The following FOXN3 variants were observed in gnomAD, a reference collection of about 807,000 sequenced individuals.
The protein encoded by FOXN3 is forkhead box N3.
Under a neutral mutation model 38.4 loss-of-function variants are expected in FOXN3, and 7 were observed. That is an observed-to-expected ratio of 0.18 (90% CI 0.10 to 0.34). The LOEUF (loss-of-function observed/expected upper bound fraction) is 0.34. Ranked by LOEUF, FOXN3 falls within the 10% of genes least tolerant of loss-of-function variation. The probability of loss-of-function intolerance (pLI) is 1.00; values close to 1 mark genes in which losing one functional copy is unlikely to be tolerated. For missense variants in FOXN3, 456 were observed against 613.4 expected (o/e 0.74, Z 2.71); for synonymous variants, 230 against 242.2 (o/e 0.95, Z 0.47).
At chr14:89,536,389 G>A (rs556244883) in intron 1 of FOXN3, among the ~76,000 whole-genome samples, 2 of 152,332 alleles carry the variant, frequency 1.3e-5, no homozygotes, top group East Asian at 3.9e-4. Context: ...TATTTTAATA[G>A]CATTTCACAG....
At chr14:89,547,383 T>G (rs963830139) in intron 1 of FOXN3, among the ~76,000 whole-genome samples, 1 of 152,194 alleles carries the variant, frequency 6.6e-6, no homozygotes, top group Non-Finnish European at 1.5e-5. Context: ...GTCTCCCAAG[T>G]AGCTGGGGCT....
intron 3 of FOXN3, among the ~76,000 whole-genome samples, chr14:89,346,359 A>G (rs1232408409): frequency 2.0e-5 from 3 of 152,172 alleles, no homozygotes; most frequent in Non-Finnish European, 1.5e-5. Flanking sequence ...CATAGGACAC[A>G]TTTGCTCATC....
At position 89,539,707 on chromosome 14, in the gene FOXN3, C is replaced by T. The variant is rs111999336; in HGVS notation, c.-15+79321G>A. 4.6e-3 allele frequency among the ~76,000 whole-genome samples: 701 copies of T among 152,194 alleles called. 6 individuals are homozygous for T. The highest frequency in any genetic ancestry group is 0.014 in the African/African-American group (590 of 41,512). On this transcript the variant is annotated intron_variant, in intron 1 of 6. Coordinates refer to the FOXN3 transcript ENST00000345097. ...GGTGTATTTATTGAGAAATTCAAGC[C>T]AAATCATCCAGCAGAGTACTTAGCA...
chr14:89,191,328 A>T lies in FOXN3; in HGVS notation c.746-10522T>A, dbSNP rs962166416. 1.2e-4 allele frequency among the ~76,000 whole-genome samples: 19 copies of T among 152,362 alleles called. 1 individual carries two copies. The highest frequency in any genetic ancestry group is 7.8e-4 in the Admixed American group (12 of 15,304). On this transcript the variant is annotated intron_variant, in intron 4 of 5. Coordinates refer to ENST00000557258, the MANE Select transcript of FOXN3 (RefSeq NM_005197.4). ...CTGAAAAGAACATCTGCCCCAGCGCAGCGTCCCAGCTGCCCTGGGGCGAAA... is the reference window on the plus strand; with the variant it reads ...CTGAAAAGAACATCTGCCCCAGCGCTGCGTCCCAGCTGCCCTGGGGCGAAA...
At chr14:89,182,279 T>G (rs1391219788) in intron 4 of FOXN3, among the ~76,000 whole-genome samples, 1 of 152,254 alleles carries the variant, frequency 6.6e-6, no homozygotes, top group Non-Finnish European at 1.5e-5. Flanking sequence ...CACTATTGAA[T>G]ACGGGGTAAT....
In FOXN3 at chr14:89,341,033, C is replaced by T. The variant is rs543218210; in HGVS notation, c.680+9639G>A. On this transcript the variant is annotated intron_variant, in intron 3 of 5. Coordinates refer to ENST00000557258, the MANE Select transcript of FOXN3 (RefSeq NM_005197.4). Reference sequence around the variant, plus strand: ...CACCATGTTGCAGAGGGATATGCCTCGACTGTCATGGCAGCCCAAGAAACT... The same window carrying T: ...CACCATGTTGCAGAGGGATATGCCTTGACTGTCATGGCAGCCCAAGAAACT... 3.5e-4 allele frequency among the ~76,000 whole-genome samples: 54 copies of T among 152,156 alleles called. 1 individual carries two copies. The highest frequency in any genetic ancestry group is 1.2e-3 in the African/African-American group (49 of 41,498).
intron 5 of FOXN3, among the ~76,000 whole-genome samples, chr14:89,165,515 C>T (rs1392429010): frequency 6.6e-6 from 1 of 152,204 alleles, no homozygotes; most frequent in African/African-American, 2.4e-5. Context: ...GAAACAGGCC[C>T]TTCAAGAGGA....
intron 1 of FOXN3, among the ~76,000 whole-genome samples, chr14:89,522,962 T>C (rs1489607820): frequency 2.0e-5 from 3 of 151,720 alleles, no homozygotes; most frequent in African/African-American, 4.9e-5. Context: ...AAACTATATA[T>C]ACTTATAAGA....
intron 1 of FOXN3, among the ~76,000 whole-genome samples, chr14:89,582,276 C>T (rs1289222433): frequency 6.6e-6 from 1 of 152,186 alleles, no homozygotes; most frequent in Non-Finnish European, 1.5e-5. Context: ...ACGCCCCAAA[C>T]TCATGTCCAA....
At position 89,184,773 on chromosome 14, in the gene FOXN3, G is replaced by C. The variant is rs557742715; in HGVS notation, c.746-3967C>G. Among the ~76,000 whole-genome samples the C allele has an allele frequency of 1.2e-4, 19 of 152,310 alleles. No homozygotes were observed. The South Asian group carries it at 3.9e-3, about 32-fold the overall frequency. ...GCTAGGTCAACGGCTTAGCTCAGTG[G>C]CTGGCTCGTTATGTAAGCTCATCAT... On this transcript the variant is annotated intron_variant, in intron 4 of 5. Coordinates refer to ENST00000557258, the MANE Select transcript of FOXN3 (RefSeq NM_005197.4).
intron 3 of FOXN3, among the ~76,000 whole-genome samples, chr14:89,343,723 C>CAAA (rs148271024): frequency 3.1e-5 from 3 of 98,180 alleles, no homozygotes; most frequent in South Asian, 4.3e-4. Context: ...GGAATTTATT[C>CAAA]CAAAAAAAAA....
chr14:89,448,142 GAT>G (rs1195806935), intron 1 of FOXN3, among the ~76,000 whole-genome samples: 1 of 152,128 alleles, frequency 6.6e-6, no homozygotes, highest in East Asian at 1.9e-4. Context: ...ACACATTAAA[GAT>G]ATACTGTTAG....
At chr14:89,523,639 C>T (rs1894366661) in intron 1 of FOXN3, among the ~76,000 whole-genome samples, 1 of 152,162 alleles carries the variant, frequency 6.6e-6, no homozygotes. Context: ...GAAAGTACTT[C>T]TAACTGGATG....
At chr14:89,582,014 T>C (rs2139911907) in intron 1 of FOXN3, among the ~76,000 whole-genome samples, 1 of 152,284 alleles carries the variant, frequency 6.6e-6, no homozygotes, top group Admixed American at 6.5e-5. Context: ...TTCACTGTTT[T>C]ATTGGGAAGG....
upstream of FOXN3, among the ~76,000 whole-genome samples, chr14:89,420,870 A>G (rs545935359): frequency 2.7e-4 from 38 of 142,062 alleles, 1 homozygote; most frequent in African/African-American, 1.0e-3. Flanking sequence ...AAGTTGTATT[A>G]TCAGAGATAC....
At chr14:89,508,971 A>G (rs929510142) in intron 1 of FOXN3, among the ~76,000 whole-genome samples, 13 of 152,040 alleles carry the variant, frequency 8.6e-5, no homozygotes, top group African/African-American at 3.1e-4. Flanking sequence ...GAGGGATGTC[A>G]TATCACCTCC....
intron 3 of FOXN3, among the ~76,000 whole-genome samples, chr14:89,311,067 T>C (rs1887525308): frequency 6.8e-6 from 1 of 147,108 alleles, no homozygotes; most frequent in Admixed American, 6.9e-5. Flanking sequence ...GATCGCGCCA[T>C]TGCATTCCAG....
chr14:89,463,040 C>T (rs888926852), intron 1 of FOXN3, among the ~76,000 whole-genome samples: 2 of 151,584 alleles, frequency 1.3e-5, no homozygotes, highest in Non-Finnish European at 2.9e-5. Flanking sequence ...GCTGTAATCC[C>T]AGCACTTTGG....
chr14:89,497,730 G>C (rs1893715301), intron 1 of FOXN3, among the ~76,000 whole-genome samples: 1 of 152,096 alleles, frequency 6.6e-6, no homozygotes, highest in Non-Finnish European at 1.5e-5. Context: ...CTGAGACCCT[G>C]CTTTCAGTTA....
Sources: gnomAD v4.1 joint callset for allele counts (sites outside exome capture counted in the v4.1 genomes callset) on GRCh38, gnomAD v4.1.1 for gene constraint, MANE v1.5 for transcripts, NCBI Gene and HGNC (gene_info 2026-07-23, HGNC 2026-07-21) for gene names.